Variants in SNTB1 observed in about 807,000 individuals in gnomAD.
SNTB1 encodes the protein syntrophin beta 1, also known as beta-1-syntrophin.
A neutral mutation model predicts 48.9 loss-of-function variants in SNTB1; 36 were observed. The observed-to-expected ratio is 0.74, with a 90% CI of 0.56 to 0.97. The LOEUF (loss-of-function observed/expected upper bound fraction) is 0.97. SNTB1 is among the 50% of genes least tolerant of loss of function. SNTB1 has a pLI of 0.00. For synonymous variants in SNTB1, 299 were observed against 294.6 expected (o/e 1.01, Z -0.15); for missense variants, 786 against 703.4 (o/e 1.12, Z -1.33).
intron 4 of SNTB1, among the ~76,000 whole-genome samples, chr8:120,574,446 G>A (rs542552669): frequency 6.6e-6 from 1 of 152,290 alleles, no homozygotes; most frequent in Middle Eastern, 3.4e-3. Context: ...AGACTATGAT[G>A]ATGGTTTCAT....
Position 120,584,968 on chromosome 8 carries a change from T to C in SNTB1, c.997-9743A>G, listed in dbSNP as rs183700889. ...GAAACTAGGAGACAGGCATGGAACA[T>C]ATTCTTCCTTATGTCGTCAGAAGGA... On this transcript the variant is annotated intron_variant, in intron 3 of 6. Coordinates refer to ENST00000517992, the MANE Select transcript of SNTB1 (RefSeq NM_021021.4). Among the ~76,000 whole-genome samples the C allele has an allele frequency of 8.0e-4, 122 of 152,222 alleles. 2 individuals carry two copies. The highest frequency in any genetic ancestry group is 2.7e-3 in the African/African-American group (111 of 41,524).
At chr8:120,772,682 C>A (rs1727849113) in intron 1 of SNTB1, among the ~76,000 whole-genome samples, 1 of 152,098 alleles carries the variant, frequency 6.6e-6, no homozygotes, top group South Asian at 2.1e-4. Flanking sequence ...GAGGAACAAC[C>A]CACACTGTAT....
intron 3 of SNTB1, among the ~76,000 whole-genome samples, chr8:120,596,274 CT>C (rs140731746): frequency 0.051 from 7,753 of 152,256 alleles, 244 homozygotes; most frequent in Middle Eastern, 0.18. Flanking sequence ...AACCAAAAAT[CT>C]ATCATGATAT....
chr8:120,780,666 G>A lies in SNTB1; in HGVS notation c.571+30607C>T, dbSNP rs766387056. Among the ~76,000 whole-genome samples the A allele has an allele frequency of 3.9e-5, 6 of 152,126 alleles. No homozygotes were observed. The South Asian group carries it at 6.2e-4, about 16-fold the overall frequency. The stretch of plus-strand genomic sequence containing the variant: ...TGTCTTACTCTTTGGATAACCAATA[G>A]CAAATTTCTGGAAGGGGAAAGCTGC... On this transcript the variant is annotated intron_variant, in intron 1 of 6. Coordinates refer to ENST00000517992, the MANE Select transcript of SNTB1 (RefSeq NM_021021.4).
chr8:120,720,541 C>T (rs1489720878), intron 1 of SNTB1, among the ~76,000 whole-genome samples: 2 of 152,190 alleles, frequency 1.3e-5, no homozygotes, highest in Non-Finnish European at 2.9e-5. Flanking sequence ...CTCAAATTAC[C>T]GGCTTTCCCT....
intron 2 of SNTB1, among the ~76,000 whole-genome samples, chr8:120,690,795 T>C (rs1818112033): frequency 6.6e-6 from 1 of 152,250 alleles, no homozygotes; most frequent in Admixed American, 6.5e-5. Context: ...ACCTGGAGTT[T>C]CATAAAATAT....
At chr8:120,571,743 C>A (rs936773701) in intron 4 of SNTB1, among the ~76,000 whole-genome samples, 1 of 151,958 alleles carries the variant, frequency 6.6e-6, no homozygotes, top group Non-Finnish European at 1.5e-5. Flanking sequence ...AGGTGATCTG[C>A]CCTCCTCGGC....
chr8:120,587,726 G>C (rs1338258885), intron 3 of SNTB1, among the ~76,000 whole-genome samples: 1 of 152,192 alleles, frequency 6.6e-6, no homozygotes, highest in East Asian at 1.9e-4. Flanking sequence ...CTCACCCATG[G>C]CTCCAATTCC....
intron 2 of SNTB1, among the ~76,000 whole-genome samples, chr8:120,645,249 C>A (rs1323980115): frequency 6.6e-6 from 1 of 152,054 alleles, no homozygotes; most frequent in Admixed American, 6.6e-5. Flanking sequence ...ATGCCTATGT[C>A]CTGAATGGTA....
chr8:120,561,174 A>G (rs1815648578), intron 4 of SNTB1, among the ~76,000 whole-genome samples: 1 of 151,948 alleles, frequency 6.6e-6, no homozygotes, highest in African/African-American at 2.4e-5. Context: ...CTAAAATACA[A>G]AAATTAGACG....
At position 120,564,862 on chromosome 8, in the gene SNTB1, C is replaced by T. The variant is rs147696133; in HGVS notation, c.1136+10224G>A. On this transcript the variant is annotated intron_variant, in intron 4 of 6. Coordinates refer to ENST00000517992, the MANE Select transcript of SNTB1 (RefSeq NM_021021.4). ...CTGGGATTACAGGTGTGAGCCACTG[C>T]GCCCAGCCTATGATTCTATTTTTTA... 3.0e-3 allele frequency among the ~76,000 whole-genome samples: 456 copies of T among 152,144 alleles called. 6 individuals carry two copies. The highest frequency in any genetic ancestry group is 0.02 in the East Asian group (105 of 5,170).
At chr8:120,550,976 G>A (rs957401941) in intron 4 of SNTB1, among the ~76,000 whole-genome samples, 5 of 152,106 alleles carry the variant, frequency 3.3e-5, no homozygotes, top group Non-Finnish European at 7.3e-5. Flanking sequence ...TAAATAGCTC[G>A]GCCAGGCGCG....
intron 3 of SNTB1, among the ~76,000 whole-genome samples, chr8:120,606,901 C>G (rs1816531829): frequency 6.6e-6 from 1 of 152,058 alleles, no homozygotes; most frequent in Non-Finnish European, 1.5e-5. Context: ...ACTCTTTATC[C>G]CCACAATTAC....
At chr8:120,563,375 A>C (rs1586996577) in intron 4 of SNTB1, among the ~76,000 whole-genome samples, 2 of 152,212 alleles carry the variant, frequency 1.3e-5, no homozygotes, top group African/African-American at 4.8e-5. Context: ...AAAGCTGAGG[A>C]ATGAGAATTG....
chr8:120,721,805 G>A (rs928825725), intron 1 of SNTB1, among the ~76,000 whole-genome samples: 15 of 151,994 alleles, frequency 9.9e-5, no homozygotes, highest in Non-Finnish European at 2.1e-4. Flanking sequence ...CGTTACATAG[G>A]TATACATGTG....
chr8:120,601,716 C>T (rs1816424902), intron 3 of SNTB1, among the ~76,000 whole-genome samples: 1 of 152,206 alleles, frequency 6.6e-6, no homozygotes, highest in South Asian at 2.1e-4. Context: ...GTCTTTGAAG[C>T]TGCCATGCCA....
intron 2 of SNTB1, among the ~76,000 whole-genome samples, chr8:120,683,098 G>T (rs1817963619): frequency 1.3e-5 from 2 of 151,996 alleles, no homozygotes; most frequent in South Asian, 2.1e-4. Flanking sequence ...AGCCAGGATG[G>T]TCTCAATCTC....
intron 1 of SNTB1, among the ~76,000 whole-genome samples, chr8:120,726,148 A>C (rs748633572): frequency 3.3e-5 from 5 of 152,164 alleles, no homozygotes; most frequent in Admixed American, 6.5e-5. Flanking sequence ...GTATAAGCAA[A>C]ACTATTTTCC....
At chr8:120,600,862 G>C (rs965549154) in intron 3 of SNTB1, among the ~76,000 whole-genome samples, 2 of 151,838 alleles carry the variant, frequency 1.3e-5, no homozygotes, top group Non-Finnish European at 2.9e-5. Context: ...GGGCCATCCT[G>C]GGAAATATGA....
Sources: allele counts gnomAD v4.1 joint callset (sites outside exome capture counted in the v4.1 genomes callset), GRCh38; gene constraint gnomAD v4.1.1; transcripts MANE v1.5; gene names NCBI Gene and HGNC (gene_info 2026-07-23, HGNC 2026-07-21).